TNNI3K: variants seen among roughly 807,000 people sequenced by gnomAD.
TNNI3K encodes the protein serine/threonine-protein kinase TNNI3K.
TNNI3K carries 140 observed loss-of-function variants against 114.5 expected under a neutral mutation model. The observed-to-expected ratio is 1.22, with a 90% CI of 1.07 to 1.41. The LOEUF is 1.41. Ranked by LOEUF, TNNI3K falls within the 40% of genes most tolerant of loss-of-function variation. The pLI is 0.00. For missense variants in TNNI3K, 1,125 were observed against 1,007.6 expected (o/e 1.12, Z -1.58); for synonymous variants, 347 against 347.5 (o/e 1.00, Z 0.02).
At chr1:74,504,631 A>G (rs274609) in intron 23 of TNNI3K, among the ~76,000 whole-genome samples, 101,818 of 151,878 alleles carry the variant, frequency 0.67, 35,690 homozygotes, top group African/African-American at 0.88. Flanking sequence ...TGTAAAATTG[A>G]CACCTTTAAA....
chr1:74,364,808 G>A (rs191584635), intron 11 of TNNI3K, among the ~76,000 whole-genome samples: 9 of 151,360 alleles, frequency 5.9e-5, no homozygotes, highest in Non-Finnish European at 1.0e-4. Context: ...GAATGTGGGT[G>A]GCCTATAAAA....
intron 12 of TNNI3K, 146 bp downstream of exon 12, chr1:74,367,488 G>A: frequency 1.2e-6 from 1 of 828,308 alleles, no homozygotes; most frequent in Non-Finnish European, 1.8e-6. Flanking sequence ...GTAACCTTAT[G>A]TCTGGGAGAG....
At chr1:74,421,437 C>T (rs1043388862) in intron 17 of TNNI3K, among the ~76,000 whole-genome samples, 2 of 152,004 alleles carry the variant, frequency 1.3e-5, no homozygotes, top group African/African-American at 4.8e-5. Context: ...GGCAAGGTAG[C>T]TCTTAGAGAT....
At chr1:74,261,590 G>A (rs1655678922) in intron 4 of TNNI3K, among the ~76,000 whole-genome samples, 1 of 151,976 alleles carries the variant, frequency 6.6e-6, no homozygotes, top group Admixed American at 6.6e-5. Context: ...ACAAGACTTT[G>A]GGGAAAAAAT....
At chr1:74,368,659 A>G (rs1245853172) in intron 13 of TNNI3K, among the ~76,000 whole-genome samples, 2 of 151,876 alleles carry the variant, frequency 1.3e-5, no homozygotes, top group Non-Finnish European at 2.9e-5. Flanking sequence ...GCAGGAATAG[A>G]TCAGGAATAG....
chr1:74,428,427 A>G (rs997163486), intron 17 of TNNI3K, among the ~76,000 whole-genome samples: 1 of 152,098 alleles, frequency 6.6e-6, no homozygotes, highest in Non-Finnish European at 1.5e-5. Context: ...CACAATTTGT[A>G]TTTGTAGTGA....
intron 5 of TNNI3K, among the ~76,000 whole-genome samples, chr1:74,316,306 A>T (rs1408370254): frequency 6.6e-6 from 1 of 152,180 alleles, no homozygotes; most frequent in Non-Finnish European, 1.5e-5. Context: ...CCTTTTCTCC[A>T]TTACCCTGTT....
chr1:74,501,818 A>G (rs1273454295), intron 23 of TNNI3K, among the ~76,000 whole-genome samples: 1 of 152,064 alleles, frequency 6.6e-6, no homozygotes, highest in East Asian at 1.9e-4. Flanking sequence ...CACGTGTAGT[A>G]ATAATTCTGC....
chr1:74,505,341 C>T (rs961916555), intron 23 of TNNI3K, among the ~76,000 whole-genome samples: 1 of 152,188 alleles, frequency 6.6e-6, no homozygotes, highest in African/African-American at 2.4e-5. Flanking sequence ...GCTCTGGCCT[C>T]GCCCTGCTCC....
At chr1:74,446,824 C>G (rs912667952) in intron 20 of TNNI3K, among the ~76,000 whole-genome samples, 1 of 149,644 alleles carries the variant, frequency 6.7e-6, no homozygotes, top group African/African-American at 2.5e-5. Context: ...TTGTTTTTCT[C>G]AGATTTGTCA....
rs533208948 is a variant in TNNI3K at position 74,519,710 on chromosome 1, A to G, written c.2352-20524A>G. Among the ~76,000 whole-genome samples the G allele has an allele frequency of 3.3e-5, 5 of 152,366 alleles. No homozygotes were observed. The South Asian group carries it at 1.0e-3, about 32-fold the overall frequency. On this transcript the variant is annotated intron_variant, in intron 23 of 24. Coordinates refer to ENST00000326637, the MANE Select transcript of TNNI3K (RefSeq NM_015978.3). ...TAACCCCACAGAATATATCTTTAAA[A>G]GAAAATTACATTTTATACATGAAAT...
At chr1:74,309,119 A>G (rs952357292) in intron 5 of TNNI3K, among the ~76,000 whole-genome samples, 8 of 152,060 alleles carry the variant, frequency 5.3e-5, no homozygotes, top group East Asian at 3.9e-4. Context: ...CTGTAATCCC[A>G]GCACTTTGGG....
chr1:74,478,362 C>T (rs1668307939), intron 21 of TNNI3K, among the ~76,000 whole-genome samples: 1 of 152,138 alleles, frequency 6.6e-6, no homozygotes, highest in Admixed American at 6.6e-5. Context: ...AGCTCCCAGT[C>T]ATTTTGACAA....
chr1:74,256,852 T>C (rs984205661), intron 4 of TNNI3K, among the ~76,000 whole-genome samples: 4 of 152,150 alleles, frequency 2.6e-5, no homozygotes, highest in Non-Finnish European at 5.9e-5. Flanking sequence ...TTATATCTTT[T>C]AAAGAAATTA....
chr1:74,328,951 C>A (rs1344753516), intron 5 of TNNI3K, among the ~76,000 whole-genome samples: 1 of 152,094 alleles, frequency 6.6e-6, no homozygotes, highest in African/African-American at 2.4e-5. Context: ...TCAAAGGTTC[C>A]TGAGATTCCC....
At chr1:74,447,306 G>C (rs1666745692) in intron 20 of TNNI3K, among the ~76,000 whole-genome samples, 1 of 149,858 alleles carries the variant, frequency 6.7e-6, no homozygotes, top group Non-Finnish European at 1.5e-5. Flanking sequence ...TGAAGCAATT[G>C]TGAATGGGAG....
chr1:74,300,939 T>C (rs1489938369), intron 5 of TNNI3K, among the ~76,000 whole-genome samples: 1 of 152,168 alleles, frequency 6.6e-6, no homozygotes, highest in Non-Finnish European at 1.5e-5. Context: ...CTAAAGAGCC[T>C]AGAACCATGA....
intron 20 of TNNI3K, among the ~76,000 whole-genome samples, chr1:74,448,296 T>G (rs1666803951): frequency 1.4e-5 from 2 of 147,744 alleles, no homozygotes; most frequent in Admixed American, 1.3e-4. Context: ...ATGCTTGTGA[T>G]TTTTGTACAT....
At chr1:74,286,429 G>GC in intron 5 of TNNI3K, among the ~76,000 whole-genome samples, 1 of 152,070 alleles carries the variant, frequency 6.6e-6, no homozygotes, top group Non-Finnish European at 1.5e-5. Flanking sequence ...TGCCAGGAAG[G>GC]CCCCCATAAG....
Sources: allele counts gnomAD v4.1 joint callset (sites outside exome capture counted in the v4.1 genomes callset), GRCh38; gene constraint gnomAD v4.1.1; transcripts MANE v1.5; gene names NCBI Gene and HGNC (gene_info 2026-07-23, HGNC 2026-07-21).